Variants in SERAC1 observed in about 807,000 individuals in gnomAD.
SERAC1 encodes protein SERAC1.
Under a neutral mutation model 85.7 loss-of-function variants are expected in SERAC1, and 36 were observed. That is an observed-to-expected ratio of 0.42 (90% confidence interval 0.32 to 0.55). The LOEUF (loss-of-function observed/expected upper bound fraction) is 0.55, where lower values mean the gene tolerates loss of function less well. SERAC1 is among the 20% of genes least tolerant of loss of function. The pLI, the probability that SERAC1 is intolerant of heterozygous loss-of-function variation, is 0.11. For missense variants in SERAC1, 629 were observed against 796.2 expected (o/e 0.79, Z 2.53); for synonymous variants, 242 against 265.3 (o/e 0.91, Z 0.85).
intron 15 of SERAC1, 188 bp downstream of exon 15, chr6:158,114,601 G>T: frequency 7.8e-7 from 1 of 1,282,822 alleles, no homozygotes. Flanking sequence ...GTAAATAATG[G>T]CTTAAGAACA....
At chr6:158,118,728 G>T (rs1355863125) in intron 12 of SERAC1, among the ~76,000 whole-genome samples, 1 of 151,808 alleles carries the variant, frequency 6.6e-6, no homozygotes, top group East Asian at 1.9e-4. Flanking sequence ...TATTATAAAT[G>T]TAAGTATTGT....
rs139124921 is a variant in SERAC1 at position 158,124,623 on chromosome 6, T to C, written c.1015+3485A>G. Among the ~76,000 whole-genome samples the C allele has an allele frequency of 3.9e-3, 591 of 151,886 alleles. 6 individuals carry two copies. The highest frequency in any genetic ancestry group is 0.014 in the African/African-American group (566 of 41,374). ...CAGAGTCAAAAATCAAACAGAAAGA[T>C]CTTAAAAGAAGCCAGAGGAAAAAAG... On this transcript the variant is annotated intron_variant, in intron 10 of 16. Coordinates refer to ENST00000647468, the MANE Select transcript of SERAC1 (RefSeq NM_032861.4).
chr6:158,165,314 C>A (rs1053981966), intron 1 of SERAC1, among the ~76,000 whole-genome samples: 1 of 152,086 alleles, frequency 6.6e-6, no homozygotes, highest in Non-Finnish European at 1.5e-5. Context: ...TGCCACCACG[C>A]CCAGCTATTT....
At chr6:158,154,329 T>C (rs112989672) in intron 3 of SERAC1, among the ~76,000 whole-genome samples, 14 of 152,286 alleles carry the variant, frequency 9.2e-5, no homozygotes, top group African/African-American at 3.4e-4. Context: ...TGAATATAAT[T>C]GTGAGCTAGA....
At chr6:158,138,467 G>A (rs1784846173) in intron 8 of SERAC1, among the ~76,000 whole-genome samples, 2 of 148,078 alleles carry the variant, frequency 1.4e-5, no homozygotes, top group South Asian at 4.3e-4. Context: ...AGGTAGCATG[G>A]TGGTATTAAA....
At chr6:158,141,293 G>A (rs2128419258) in intron 8 of SERAC1, among the ~76,000 whole-genome samples, 1 of 152,348 alleles carries the variant, frequency 6.6e-6, no homozygotes, top group East Asian at 1.9e-4. Flanking sequence ...AGAGGGGAAT[G>A]AGTGGTGACA....
At chr6:158,134,378 T>C (rs533999471) in intron 8 of SERAC1, among the ~76,000 whole-genome samples, 3 of 152,304 alleles carry the variant, frequency 2.0e-5, no homozygotes, top group Non-Finnish European at 4.4e-5. Flanking sequence ...AATCAGCTTA[T>C]TCTAGGGCTA....
At chr6:158,128,498 C>G (rs1347404250) in intron 9 of SERAC1, among the ~76,000 whole-genome samples, 1 of 152,200 alleles carries the variant, frequency 6.6e-6, no homozygotes, top group Admixed American at 6.5e-5. Context: ...CTCACCAGGA[C>G]TACTAAAATC....
Position 158,117,595 on chromosome 6 carries a change from G to A in SERAC1, c.1403+132C>T. The A allele has an allele frequency of 1.3e-6, 2 of 1,557,060 alleles. No individual in the cohort carries two copies. The highest frequency in any genetic ancestry group is 1.7e-6 in the Non-Finnish European group (2 of 1,149,318). On this transcript the variant is annotated intron_variant, in intron 13 of 16. Transcript: ENST00000647468. This position sits in a 1 kb window ranked among gnomAD's most constrained non-coding sequence, Gnocchi z 4.3. ...CTCCTTCTAGAAGGAAGACAAAAAA[G>A]ATTAGGTTTGTTCTTCATAAGAAAA...
intron 10 of SERAC1, among the ~76,000 whole-genome samples, chr6:158,124,044 G>T (rs1256099378): frequency 6.6e-6 from 1 of 152,202 alleles, no homozygotes; most frequent in Non-Finnish European, 1.5e-5. Context: ...GGAAATCAAT[G>T]AAGATGAGAA....
rs781452583 is a variant in SERAC1 at position 158,114,755 on chromosome 6, T to A, written c.1684+34A>T. The A allele has an allele frequency of 1.6e-4, 215 of 1,351,704 alleles. 1 individual carries two copies. Among genetic ancestry groups the A allele is most frequent in the Middle Eastern group, 1.1e-3 (6 of 5,402 alleles). 83.7% of individuals were successfully genotyped at this position (1,351,704 alleles called of 1,614,324 possible). ...CTTCTCTGTGTAACTGATGTTAATA[T>A]AACCCCAATTTCCTTTATGACAAAA... On this transcript the variant is annotated intron_variant, in intron 15 of 16. Coordinates refer to ENST00000647468, the MANE Select transcript of SERAC1 (RefSeq NM_032861.4).
chr6:158,128,793 G>C (rs900130028), intron 9 of SERAC1, among the ~76,000 whole-genome samples: 1 of 152,130 alleles, frequency 6.6e-6, no homozygotes, highest in African/African-American at 2.4e-5. Flanking sequence ...TTAGAAGTTG[G>C]AAGATTTTTT....
chr6:158,146,902 T>C lies in SERAC1; in HGVS notation c.367A>G (p.Thr123Ala). ...LRNPFADPFS[T>A]VDIEDHECAV... Reference sequence around the variant, plus strand: ...CACTCATGATCTTCTATATCAACTGTACTAAAAGGATCTTTGCAAAAAGAA... The same window carrying C: ...CACTCATGATCTTCTATATCAACTGCACTAAAAGGATCTTTGCAAAAAGAA... Residue 123 changes from threonine to alanine, a missense_variant, in exon 6 of 17, where the codon ACA (threonine) becomes GCA (alanine). Transcript: ENST00000647468. The C allele has an allele frequency of 6.2e-7, 1 of 1,613,482 alleles. No individual in the cohort carries two copies. The highest frequency in any genetic ancestry group is 8.5e-7 in the Non-Finnish European group (1 of 1,179,636).
intron 8 of SERAC1, among the ~76,000 whole-genome samples, chr6:158,131,870 G>A (rs1784686131): frequency 6.6e-6 from 1 of 152,128 alleles, no homozygotes; most frequent in Admixed American, 6.5e-5. Flanking sequence ...TGGTACAGTT[G>A]TACAATGGAA....
At chr6:158,124,718 G>C (rs904129308) in intron 10 of SERAC1, among the ~76,000 whole-genome samples, 2 of 150,824 alleles carry the variant, frequency 1.3e-5, no homozygotes, top group African/African-American at 2.4e-5. Context: ...CTCCAGAAGA[G>C]AGTGGAATGA....
chr6:158,111,579 T>G (rs1027150704), intron 16 of SERAC1, 77 bp from the exon 17 acceptor site: 18 of 1,181,500 alleles, frequency 1.5e-5, no homozygotes, highest in Non-Finnish European at 2.1e-5. Flanking sequence ...AGAGGCCGAA[T>G]GGGTAGTTCT....
chr6:158,146,660 G>A (rs564933737), intron 6 of SERAC1, 122 bp downstream of exon 6: 48 of 1,191,982 alleles, frequency 4.0e-5, no homozygotes, highest in South Asian at 7.0e-5. Flanking sequence ...TCCAACCAGC[G>A]TGGCCTCCCA....
chr6:158,114,715 A>AATATAAAATG (rs758405974), intron 15 of SERAC1, 74 bp downstream of exon 15: 261 of 1,594,400 alleles, frequency 1.6e-4, no homozygotes, highest in Non-Finnish European at 2.0e-4. Flanking sequence ...ACATTCAAGG[A>AATATAAAATG]AGAAACTTTT....
Position 158,128,147 on chromosome 6 carries a change from C to A in SERAC1, c.976G>T (p.Ala326Ser), listed in dbSNP as rs759361491. Residue 326 changes from alanine (A) to serine (S), a missense_variant, in exon 10 of 17, where the codon GCT becomes TCT. Physicochemically the swap from Ala to Ser is moderately conservative, Grantham distance 99. Coordinates refer to ENST00000647468, the MANE Select transcript of SERAC1 (RefSeq NM_032861.4). ...RNIMRVIGNM[A>S]LNEHLHSSIV... is the part of the protein sequence containing the mutation. Reference sequence around the variant, plus strand: ...GAAGAATGAAGATGTTCATTCAAAGCCATATTTCCAATGACACGCATTATA... The same window carrying A: ...GAAGAATGAAGATGTTCATTCAAAGACATATTTCCAATGACACGCATTATA... 3.7e-6 allele frequency: 6 copies of A among 1,613,918 alleles called. No homozygotes were observed. Among genetic ancestry groups the A allele is most frequent in the Non-Finnish European group, 5.1e-6 (6 of 1,179,976 alleles).
Sources: gnomAD v4.1 joint callset for allele counts (sites outside exome capture counted in the v4.1 genomes callset) on GRCh38, gnomAD v4.1.1 for gene constraint, Gnocchi (gnomAD v3.1) non-coding constraint, MANE v1.5 for transcripts, NCBI Gene and HGNC (gene_info 2026-07-23, HGNC 2026-07-21) for gene names.